Variants in ARHGEF18 observed in about 807,000 individuals in gnomAD.
ARHGEF18 encodes the protein Rho/Rac guanine nucleotide exchange factor 18.
Under a neutral mutation model 155.7 loss-of-function variants are expected in ARHGEF18, and 93 were observed. The observed-to-expected ratio is 0.60, with a 90% confidence interval of 0.50 to 0.71. The LOEUF is 0.71. Ranked by LOEUF, ARHGEF18 falls within the 30% of genes least tolerant of loss-of-function variation. The pLI is 0.00. For synonymous variants in ARHGEF18, 742 were observed against 753.1 expected, an observed-to-expected ratio of 0.99 and a Z score of 0.24; for missense variants, 1,593 against 1,816.1, an observed-to-expected ratio of 0.88 and a Z score of 2.23.
chr19:7,439,704 C>T, intron 10 of ARHGEF18: 1 of 1,258,954 alleles, frequency 7.9e-7, no homozygotes, highest in Non-Finnish European at 1.0e-6. Context: ...CATGCCCTGC[C>T]ATCTCTGGGT....
At position 7,440,165 on chromosome 19, in the gene ARHGEF18, G is replaced by A. The variant is rs771602633; in HGVS notation, c.968-179G>A. 1.0e-5 allele frequency: 16 copies of A among 1,551,450 alleles called. No individual in the cohort carries two copies. Among genetic ancestry groups the A allele is most frequent in the East Asian group, 2.4e-5 (1 of 40,912 alleles). ...GCGCGCTCCCCGGCCGCCCCGAGCT[G>A]TCTTTTTACGGCTCTTTCCCCAGGA... On this transcript the variant is annotated intron_variant, in intron 10 of 28. Coordinates refer to ENST00000668164, the MANE Select transcript of ARHGEF18 (RefSeq NM_001367823.1). The surrounding 1 kb of genome is among the most constrained non-coding windows in gnomAD (Gnocchi z 5.4).
chr19:7,477,416 C>T (rs548821730), downstream of ARHGEF18: 37 of 1,476,038 alleles, frequency 2.5e-5, no homozygotes, highest in South Asian at 1.1e-4. Flanking sequence ...CATGGCCCTC[C>T]GCTTGCCCCG....
At chr19:7,418,974 C>T (rs1027247802) in intron 10 of ARHGEF18, among the ~76,000 whole-genome samples, 1 of 151,840 alleles carries the variant, frequency 6.6e-6, no homozygotes, top group Non-Finnish European at 1.5e-5. Context: ...TGTCTGCTCT[C>T]CAGCCCCCCA....
At chr19:7,436,066 T>C (rs1974235825) in intron 10 of ARHGEF18, among the ~76,000 whole-genome samples, 1 of 152,160 alleles carries the variant, frequency 6.6e-6, no homozygotes, top group Non-Finnish European at 1.5e-5. Context: ...TCTAACCTGC[T>C]GTCCCTGGTC....
chr19:7,384,027 G>A (rs560584963), intron 10 of ARHGEF18, among the ~76,000 whole-genome samples: 2 of 152,148 alleles, frequency 1.3e-5, no homozygotes, highest in East Asian at 3.8e-4. Flanking sequence ...TAAGCTCCAC[G>A]TTGGAGGGAA....
At chr19:7,399,257 C>T (rs1407612755) in intron 10 of ARHGEF18, among the ~76,000 whole-genome samples, 5 of 152,092 alleles carry the variant, frequency 3.3e-5, no homozygotes, top group Non-Finnish European at 5.9e-5. Context: ...TTGTGGCTGA[C>T]TGGGTGAGGG....
At position 7,395,270 on chromosome 19, in the gene ARHGEF18, C is replaced by T; in HGVS notation, c.967+12067C>T. 1 of 986,014 alleles carries T rather than the reference C, an allele frequency of 1.0e-6. No individual in the cohort carries two copies. Among genetic ancestry groups the T allele is most frequent in the African/African-American group, 1.7e-5 (1 of 57,354 alleles). 61.1% of individuals were successfully genotyped at this position (986,014 alleles called of 1,614,324 possible). On this transcript the variant is annotated intron_variant, in intron 10 of 28. Transcript: ENST00000668164. The surrounding 1 kb of genome is among the most constrained non-coding windows in gnomAD (Gnocchi z 5.0). Reference sequence around the variant, plus strand: ...GAGGTGAGGACGGCGGCGGGGCGGTCCCGAGGAAAACGGGGCTCAGGAGGG... The same window carrying T: ...GAGGTGAGGACGGCGGCGGGGCGGTTCCGAGGAAAACGGGGCTCAGGAGGG...
chr19:7,394,890 A>G, intron 10 of ARHGEF18: 1 of 199,292 alleles, frequency 5.0e-6, no homozygotes, highest in South Asian at 1.7e-4. Context: ...AAGCCCCCCA[A>G]CCCCGCTGAC....
chr19:7,369,897 A>G (rs1414596615), intron 2 of ARHGEF18, among the ~76,000 whole-genome samples: 3 of 152,166 alleles, frequency 2.0e-5, no homozygotes, highest in African/African-American at 7.2e-5. Context: ...ATGCCGTCTC[A>G]AAAAATAAAA....
At chr19:7,357,599 CT>C (rs1428914144) in intron 1 of ARHGEF18, among the ~76,000 whole-genome samples, 1 of 152,180 alleles carries the variant, frequency 6.6e-6, no homozygotes, top group Non-Finnish European at 1.5e-5. Flanking sequence ...CATTTCTCCT[CT>C]GGCTTAGCTC....
chr19:7,408,716 G>A (rs1325769614), intron 10 of ARHGEF18, among the ~76,000 whole-genome samples: 3 of 152,184 alleles, frequency 2.0e-5, no homozygotes, highest in African/African-American at 4.8e-5. Context: ...GCCTGGGGGT[G>A]TTCAACATAG....
chr19:7,376,619 A>C, intron 4 of ARHGEF18, 24 bp from the exon 5 acceptor site: 1 of 1,227,734 alleles, frequency 8.1e-7, no homozygotes. Context: ...TTCCCAGCTT[A>C]GTGAGATGTT....
chr19:7,365,783 G>A (rs1469713679), intron 2 of ARHGEF18, among the ~76,000 whole-genome samples: 1 of 152,042 alleles, frequency 6.6e-6, no homozygotes, highest in African/African-American at 2.4e-5. Flanking sequence ...TGTGAATTTT[G>A]AACCCCAAGG....
At chr19:7,385,270 C>T (rs1970941692) in intron 10 of ARHGEF18, among the ~76,000 whole-genome samples, 1 of 152,070 alleles carries the variant, frequency 6.6e-6, no homozygotes, top group African/African-American at 2.4e-5. Context: ...CTGAACCATG[C>T]ACTTCCTTCT....
At chr19:7,468,378 C>G (rs1285353633) in intron 26 of ARHGEF18, among the ~76,000 whole-genome samples, 1 of 140,118 alleles carries the variant, frequency 7.1e-6, no homozygotes, top group Non-Finnish European at 1.5e-5. Context: ...GACCTCATCT[C>G]TAAAAAAAAA....
chr19:7,444,438 A>G lies in ARHGEF18; in HGVS notation c.1595A>G (p.Asp532Gly). ...DRNYVIQKIG[D>G]LLVQQFSGEN... ...AATTATGTCATCCAGAAAATCGGCG[A>G]CCTCCTGGTTCAGCAGGTGGGTGCA... is the stretch of plus-strand genomic sequence containing the variant. Residue 532 changes from aspartate (D) to glycine (G), a missense_variant, in exon 14 of 29, where the codon GAC (aspartate) becomes GGC (glycine). Coordinates refer to ENST00000668164, the MANE Select transcript of ARHGEF18 (RefSeq NM_001367823.1). The surrounding 1 kb of genome is among the most constrained non-coding windows in gnomAD (Gnocchi z 4.7). The G allele has an allele frequency of 1.2e-6, 2 of 1,613,120 alleles. No individual in the cohort carries two copies. The highest frequency in any genetic ancestry group is 1.3e-5 in the African/African-American group (1 of 74,908).
chr19:7,384,546 T>C (rs1397218960), intron 10 of ARHGEF18, among the ~76,000 whole-genome samples: 1 of 152,204 alleles, frequency 6.6e-6, no homozygotes. Flanking sequence ...TGCAGTGCCA[T>C]TGCTGGCCAT....
intron 2 of ARHGEF18, among the ~76,000 whole-genome samples, chr19:7,369,711 T>A: frequency 6.6e-6 from 1 of 151,440 alleles, no homozygotes; most frequent in East Asian, 2.0e-4. Context: ...GCAGGAGAAT[T>A]GTTTGAACCC....
intron 10 of ARHGEF18, among the ~76,000 whole-genome samples, chr19:7,411,338 G>C (rs117391206): frequency 0.069 from 8,500 of 123,180 alleles, 346 homozygotes; most frequent in East Asian, 0.095. Flanking sequence ...ACAGAGTCTT[G>C]CCCTGTTGCC....
Sources: gnomAD v4.1 joint callset for allele counts (sites outside exome capture counted in the v4.1 genomes callset) on GRCh38, gnomAD v4.1.1 for gene constraint, Gnocchi (gnomAD v3.1) non-coding constraint, MANE v1.5 for transcripts, NCBI Gene and HGNC (gene_info 2026-07-23, HGNC 2026-07-21) for gene names.